RPP25L: variants seen among roughly 807,000 people sequenced by gnomAD.
RPP25L encodes the protein ribonuclease P/MRP subunit p25 like.
RPP25L carries 5 observed loss-of-function variants against 10.1 expected under a neutral mutation model. The ratio of observed to expected loss-of-function variants is 0.50; its 90% CI spans 0.26 to 1.04. The LOEUF (loss-of-function observed/expected upper bound fraction) is 1.04, where lower values mean the gene tolerates loss of function less well. Ranked by LOEUF, RPP25L falls within the 50% of genes least tolerant of loss-of-function variation. The pLI is 0.14. For synonymous variants in RPP25L, 96 were observed against 88.6 expected (o/e 1.08, Z -0.47); for missense variants, 192 against 217.3 (o/e 0.88, Z 0.73).
In RPP25L at chr9:34,611,057, G is replaced by A. The variant is rs1021035138; in HGVS notation, c.240C>T (p.Gly80=). ...AACGTAGCTTGGTGAGCTGGTGCAG[G>A]CCTGGGACCCGCCGCTTGACAATCT... ...CAEIVKRRVP[G]LHQLTKLRFL... Residue 80 remains glycine (G), a synonymous_variant, in exon 2 of 2, where the codon GGC becomes GGT. Coordinates refer to ENST00000378959, the MANE Select transcript of RPP25L (RefSeq NM_148178.3). The surrounding 1 kb of genome is among the most constrained non-coding windows in gnomAD (Gnocchi z 4.4). 6.2e-7 allele frequency: 1 copy of A among 1,613,970 alleles called. No homozygotes were observed. The highest frequency in any genetic ancestry group is 8.5e-7 in the Non-Finnish European group (1 of 1,179,976).
In RPP25L at chr9:34,611,086, C is replaced by T. The variant is rs1820294865; in HGVS notation, c.211G>A (p.Ala71Thr). 6.2e-7 allele frequency: 1 copy of T among 1,614,118 alleles called. No homozygotes were observed. Among genetic ancestry groups the T allele is most frequent in the Middle Eastern group, 1.6e-4 (1 of 6,062 alleles). ...GRAAGKAVSC[A>T]EIVKRRVPGL... ...GGGACCCGCCGCTTGACAATCTCAG[C>T]GCAGCTGACAGCCTTTCCTGCAGCC... The change falls in exon 2 of 2, where the codon GCT (alanine) becomes ACT (threonine). Residue 71 changes from alanine to threonine, a missense_variant. Coordinates refer to ENST00000378959, the MANE Select transcript of RPP25L (RefSeq NM_148178.3). This position sits in a 1 kb window ranked among gnomAD's most constrained non-coding sequence, Gnocchi z 4.4.
rs1412652819 is a variant in RPP25L, at chr9:34,611,089, A to C, written c.208T>G (p.Cys70Gly). The part of the protein sequence containing the change: ...SGRAAGKAVS[C>G]AEIVKRRVPG... ...ACCCGCCGCTTGACAATCTCAGCGC[A>C]GCTGACAGCCTTTCCTGCAGCCCTG... The change falls in exon 2 of 2, where the codon TGC (cysteine) becomes GGC (glycine). Residue 70 changes from cysteine to glycine, a missense_variant. Coordinates refer to ENST00000378959, the MANE Select transcript of RPP25L (RefSeq NM_148178.3). The surrounding 1 kb of genome is among the most constrained non-coding windows in gnomAD (Gnocchi z 4.4). The C allele has an allele frequency of 2.2e-5, 36 of 1,614,012 alleles. No individual in the cohort carries two copies. The highest frequency in any genetic ancestry group is 2.8e-5 in the Non-Finnish European group (33 of 1,180,020).
rs1820301109 is a variant in RPP25L, at chr9:34,611,451, A to G, written c.-36-119T>C. On this transcript the variant is annotated intron_variant, in intron 1 of 1. Coordinates refer to ENST00000378959, the MANE Select transcript of RPP25L (RefSeq NM_148178.3). The surrounding 1 kb of genome is among the most constrained non-coding windows in gnomAD (Gnocchi z 4.4). ...TTCCAGACTTCCCAGAAACAGGATC[A>G]TGTCCCCTTGTCCTTAGCATCTCGT... The G allele has an allele frequency of 6.4e-6, 5 of 784,870 alleles. No individual in the cohort carries two copies. Among genetic ancestry groups the G allele is most frequent in the Non-Finnish European group, 1.0e-5 (5 of 499,674 alleles). The allele number at this position is 784,870 out of a possible 1,614,324, so 48.6% of individuals were successfully genotyped here. A position where few individuals can be genotyped will look rare whatever the true frequency, so the allele number is the denominator to read the frequency against.
In RPP25L at chr9:34,611,223, G is replaced by A; in HGVS notation, c.74C>T (p.Thr25Ile). ...PSPMPQLPPD[T>I]LEMRVRDGSK... ...GCCATCTCGGACCCGCATCTCAAGGGTATCAGGAGGTAGCTGGGGCATTGG... is the reference window on the plus strand; with the variant it reads ...GCCATCTCGGACCCGCATCTCAAGGATATCAGGAGGTAGCTGGGGCATTGG... The change falls in exon 2 of 2, where the codon ACC becomes ATC. Residue 25 changes from threonine to isoleucine, a missense_variant. Transcript: ENST00000378959. This position sits in a 1 kb window ranked among gnomAD's most constrained non-coding sequence, Gnocchi z 4.4. The A allele has an allele frequency of 6.2e-7, 1 of 1,613,948 alleles. No individual in the cohort carries two copies. The highest frequency in any genetic ancestry group is 8.5e-7 in the Non-Finnish European group (1 of 1,180,004).
chr9:34,611,679 G>A lies in RPP25L; in HGVS notation c.-36-347C>T, dbSNP rs1311523574. On this transcript the variant is annotated intron_variant, in intron 1 of 1. Transcript: ENST00000378959. This position sits in a 1 kb window ranked among gnomAD's most constrained non-coding sequence, Gnocchi z 4.4. ...CTGGGGCTTAGCCCCCCTTATCCTG[G>A]GCTCCTTGGAACAGGGCCTGGAACC... is the stretch of plus-strand genomic sequence containing the variant. 6.6e-6 allele frequency among the ~76,000 whole-genome samples: 1 copy of A among 152,114 alleles called. No homozygotes were observed. Among genetic ancestry groups the A allele is most frequent in the Non-Finnish European group, 1.5e-5 (1 of 68,010 alleles).
chr9:34,610,856 G>A lies in RPP25L; in HGVS notation c.441C>T (p.Ser147=), dbSNP rs1820290165. ...GAPPGLGSMP[S]SSCGPRSRRR... ...TTCGGGAACGAGGGCCACAGCTGGAGCTGGGCATGGAACCCAGGCCAGGGG... is the reference window on the plus strand; with the variant it reads ...TTCGGGAACGAGGGCCACAGCTGGAACTGGGCATGGAACCCAGGCCAGGGG... Residue 147 remains serine, a synonymous_variant, in exon 2 of 2, where the codon AGC becomes AGT. Coordinates refer to ENST00000378959, the MANE Select transcript of RPP25L (RefSeq NM_148178.3). The A allele has an allele frequency of 1.3e-6, 2 of 1,562,020 alleles. No homozygotes were observed. Among genetic ancestry groups the A allele is most frequent in the Non-Finnish European group, 1.7e-6 (2 of 1,150,880 alleles).
chr9:34,611,067 C>G lies in RPP25L; in HGVS notation c.230G>C (p.Arg77Pro), dbSNP rs764671435. 2 of 1,613,908 alleles carry G rather than the reference C, an allele frequency of 1.2e-6. No individual in the cohort carries two copies. Among genetic ancestry groups the G allele is most frequent in the African/African-American group, 2.7e-5 (2 of 74,876 alleles). The change falls in exon 2 of 2, where the codon CGG (arginine) becomes CCG (proline). Residue 77 changes from arginine (R) to proline (P), a missense_variant. By Grantham distance (103) the Arg-to-Pro change is moderately radical. Transcript: ENST00000378959. This position sits in a 1 kb window ranked among gnomAD's most constrained non-coding sequence, Gnocchi z 4.4. ...GGTGAGCTGGTGCAGGCCTGGGACC[C>G]GCCGCTTGACAATCTCAGCGCAGCT... is the stretch of plus-strand genomic sequence containing the variant. The part of the protein sequence containing the change: ...AVSCAEIVKR[R>P]VPGLHQLTKL...
Position 34,611,207 on chromosome 9 carries a change from G to A in RPP25L, c.90C>T (p.Val30=). The A allele has an allele frequency of 6.2e-7, 1 of 1,614,040 alleles. No homozygotes were observed. The highest frequency in any genetic ancestry group is 1.1e-5 in the South Asian group (1 of 91,080). The change falls in exon 2 of 2, where the codon GTC becomes GTT. Residue 30 remains valine, a synonymous_variant. Transcript: ENST00000378959. This position sits in a 1 kb window ranked among gnomAD's most constrained non-coding sequence, Gnocchi z 4.4. ...QLPPDTLEMR[V]RDGSKIRNLL... ...GGTTGCGAATTTTGCTGCCATCTCG[G>A]ACCCGCATCTCAAGGGTATCAGGAG...
Position 34,610,718 on chromosome 9 carries a change from G to T in RPP25L, c.*87C>A. The T allele has an allele frequency of 7.1e-7, 1 of 1,410,130 alleles. No homozygotes were observed. Among genetic ancestry groups the T allele is most frequent in the Non-Finnish European group, 9.5e-7 (1 of 1,052,670 alleles). 87.4% of individuals were successfully genotyped at this position (1,410,130 alleles called of 1,614,324 possible). Reference sequence around the variant, plus strand: ...CTTTTGTGGACTCAAACCTTGATGGGGATGTTGAGCAGTCACAACGCTTCT... The same window carrying T: ...CTTTTGTGGACTCAAACCTTGATGGTGATGTTGAGCAGTCACAACGCTTCT... On this transcript the variant is annotated 3_prime_UTR_variant, in exon 2 of 2. Transcript: ENST00000378959.
In RPP25L at chr9:34,610,962, C is replaced by A; in HGVS notation, c.335G>T (p.Arg112Leu). ...DTGLDPLTVR[R>L]HVPAVWVLLS... Reference sequence around the variant, plus strand: ...CAGCACCCACACTGCAGGCACATGGCGGCGCACTGTGAGGGGGTCTAGCCC... The same window carrying A: ...CAGCACCCACACTGCAGGCACATGGAGGCGCACTGTGAGGGGGTCTAGCCC... Residue 112 changes from arginine (R) to leucine (L), a missense_variant, in exon 2 of 2, where the codon CGC (arginine) becomes CTC (leucine). By Grantham distance (102) the Arg-to-Leu change is moderately radical. Coordinates refer to ENST00000378959, the MANE Select transcript of RPP25L (RefSeq NM_148178.3). The A allele has an allele frequency of 6.2e-7, 1 of 1,613,820 alleles. No homozygotes were observed. Among genetic ancestry groups the A allele is most frequent in the Non-Finnish European group, 8.5e-7 (1 of 1,179,956 alleles).
Position 34,610,560 on chromosome 9 carries a change from G to A in RPP25L, c.*245C>T. On this transcript the variant is annotated 3_prime_UTR_variant, in exon 2 of 2. Coordinates refer to ENST00000378959, the MANE Select transcript of RPP25L (RefSeq NM_148178.3). Reference sequence around the variant, plus strand: ...ACCTCTTTCAGAAGGCAGTTCAAATGCACTGTAGGTAGAAGGCAGAGGAAG... The same window carrying A: ...ACCTCTTTCAGAAGGCAGTTCAAATACACTGTAGGTAGAAGGCAGAGGAAG... The A allele has an allele frequency of 2.2e-6, 1 of 459,380 alleles. No individual in the cohort carries two copies. Among genetic ancestry groups the A allele is most frequent in the South Asian group, 5.1e-5 (1 of 19,486 alleles). 28.5% of individuals were successfully genotyped at this position (459,380 alleles called of 1,614,324 possible).
In RPP25L at chr9:34,610,845, C is replaced by A; in HGVS notation, c.452G>T (p.Gly151Val). 1 of 1,549,238 alleles carries A rather than the reference C, an allele frequency of 6.5e-7. No individual in the cohort carries two copies. Among genetic ancestry groups the A allele is most frequent in the Non-Finnish European group, 8.7e-7 (1 of 1,145,530 alleles). Residue 151 changes from glycine to valine, a missense_variant, in exon 2 of 2, where the codon GGC becomes GTC. Coordinates refer to ENST00000378959, the MANE Select transcript of RPP25L (RefSeq NM_148178.3). ...GLGSMPSSSC[G>V]PRSRRRARDT... is the part of the protein sequence containing the mutation. Reference sequence around the variant, plus strand: ...TCGAGCCCTTCTTCGGGAACGAGGGCCACAGCTGGAGCTGGGCATGGAACC... The same window carrying A: ...TCGAGCCCTTCTTCGGGAACGAGGGACACAGCTGGAGCTGGGCATGGAACC...
In RPP25L at chr9:34,610,733, A is replaced by G. The variant is rs760823897; in HGVS notation, c.*72T>C. Reference sequence around the variant, plus strand: ...ACCTTGATGGGGATGTTGAGCAGTCACAACGCTTCTCAGAAAAGGCACAAG... The same window carrying G: ...ACCTTGATGGGGATGTTGAGCAGTCGCAACGCTTCTCAGAAAAGGCACAAG... On this transcript the variant is annotated 3_prime_UTR_variant, in exon 2 of 2. Coordinates refer to ENST00000378959, the MANE Select transcript of RPP25L (RefSeq NM_148178.3). 92 of 1,482,868 alleles carry G rather than the reference A, an allele frequency of 6.2e-5. No individual in the cohort carries two copies. Among genetic ancestry groups the G allele is most frequent in the Non-Finnish European group, 7.6e-5 (85 of 1,114,072 alleles). 91.9% of individuals were successfully genotyped at this position (1,482,868 alleles called of 1,614,324 possible). A position where few individuals can be genotyped will look rare whatever the true frequency, so the allele number is the denominator to read the frequency against.
At position 34,610,805 on chromosome 9, in the gene RPP25L, T is replaced by C. The variant is rs1396455856; in HGVS notation, c.492A>G (p.Ter164TrpextTer72). ...SRRRARDTRS[*>W] ...GAGAACAGGCTGGCTCAGCAGGTCT[T>C]CACGATCGGGTGTCTCGAGCCCTTC... Residue 164 changes from the stop codon to tryptophan (W), a stop_lost, in exon 2 of 2, where the codon TGA (stop) becomes TGG (tryptophan). Coordinates refer to ENST00000378959, the MANE Select transcript of RPP25L (RefSeq NM_148178.3). The C allele has an allele frequency of 3.9e-6, 6 of 1,522,810 alleles. No individual in the cohort carries two copies. The highest frequency in any genetic ancestry group is 5.3e-6 in the Non-Finnish European group (6 of 1,135,460). The allele number at this position is 1,522,810 out of a possible 1,614,324, so 94.3% of individuals were successfully genotyped here. A position where few individuals can be genotyped will look rare whatever the true frequency, so the allele number is the denominator to read the frequency against.
At position 34,611,132 on chromosome 9, in the gene RPP25L, T is replaced by G. The variant is rs367745452; in HGVS notation, c.165A>C (p.Val55=). Residue 55 remains valine, a synonymous_variant, in exon 2 of 2, where the codon GTA becomes GTC. Transcript: ENST00000378959. This position sits in a 1 kb window ranked among gnomAD's most constrained non-coding sequence, Gnocchi z 4.4. ...CAGCCCTGCCAGAACCTGAGAACAC[T>G]ACATGCCGAGCACTGCCGCCCTCCA... ...GRLEGGSARH[V]VFSGSGRAAG... is the part of the protein sequence containing the mutation. The G allele has an allele frequency of 1.1e-4, 171 of 1,613,984 alleles. No homozygotes were observed. The Middle Eastern group carries it at 1.8e-3, about 17-fold the overall frequency.
In RPP25L at chr9:34,611,032, A is replaced by T; in HGVS notation, c.265T>A (p.Phe89Ile). 6.2e-7 allele frequency: 1 copy of T among 1,613,962 alleles called. No homozygotes were observed. Among genetic ancestry groups the T allele is most frequent in the South Asian group, 1.1e-5 (1 of 91,070 alleles). The change falls in exon 2 of 2, where the codon TTC (phenylalanine) becomes ATC (isoleucine). Residue 89 changes from phenylalanine (F) to isoleucine (I), a missense_variant. Coordinates refer to ENST00000378959, the MANE Select transcript of RPP25L (RefSeq NM_148178.3). This position sits in a 1 kb window ranked among gnomAD's most constrained non-coding sequence, Gnocchi z 4.4. ...PGLHQLTKLRFLQTEDSWVPA... is the reference protein window; with the variant it reads ...PGLHQLTKLRILQTEDSWVPA... Reference sequence around the variant, plus strand: ...ACCCAGCTGTCCTCAGTCTGAAGGAAACGTAGCTTGGTGAGCTGGTGCAGG... The same window carrying T: ...ACCCAGCTGTCCTCAGTCTGAAGGATACGTAGCTTGGTGAGCTGGTGCAGG...
rs1305046586 is a variant in RPP25L, at chr9:34,611,870, CTA to C, written c.-37+192_-37+193del. On this transcript the variant is annotated intron_variant, in intron 1 of 1. Transcript: ENST00000378959. This position sits in a 1 kb window ranked among gnomAD's most constrained non-coding sequence, Gnocchi z 4.4. ...TCTCCCAGAGATTACCAAGGTCAATCTATATCAACCCAGGTCACTCAGAAACT... is the reference window on the plus strand; with the variant it reads ...TCTCCCAGAGATTACCAAGGTCAATCTATCAACCCAGGTCACTCAGAAACT... 1 of 156,040 alleles carries C rather than the reference CTA, an allele frequency of 6.4e-6. No homozygotes were observed. Among genetic ancestry groups the C allele is most frequent in the Non-Finnish European group, 1.4e-5 (1 of 70,304 alleles). The allele number at this position is 156,040 out of a possible 1,614,324, so 9.7% of individuals were successfully genotyped here. A position where few individuals can be genotyped will look rare whatever the true frequency, so the allele number is the denominator to read the frequency against.
Position 34,612,070 on chromosome 9 carries a change from C to T in RPP25L, c.-43G>A, listed in dbSNP as rs1328931397. 6.6e-6 allele frequency: 1 copy of T among 152,292 alleles called. No homozygotes were observed. Among genetic ancestry groups the T allele is most frequent in the Admixed American group, 6.5e-5 (1 of 15,286 alleles). The allele number at this position is 152,292 out of a possible 1,614,324, so 9.4% of individuals were successfully genotyped here. On this transcript the variant is annotated 5_prime_UTR_variant, in exon 1 of 2. Coordinates refer to ENST00000378959, the MANE Select transcript of RPP25L (RefSeq NM_148178.3). The stretch of plus-strand genomic sequence containing the variant: ...GCCCGGTTCCGGCTCTCACCGAAGC[C>T]GCCTCACGCACGATCCGGAGCCAAG...
chr9:34,610,734 C>CA lies in RPP25L; in HGVS notation c.*70dup. 1 of 1,485,776 alleles carries CA rather than the reference C, an allele frequency of 6.7e-7. No homozygotes were observed. Among genetic ancestry groups the CA allele is most frequent in the Non-Finnish European group, 9.0e-7 (1 of 1,116,468 alleles). The allele number at this position is 1,485,776 out of a possible 1,614,324, so 92.0% of individuals were successfully genotyped here. On this transcript the variant is annotated 3_prime_UTR_variant, in exon 2 of 2. Coordinates refer to ENST00000378959, the MANE Select transcript of RPP25L (RefSeq NM_148178.3). ...CCTTGATGGGGATGTTGAGCAGTCACAACGCTTCTCAGAAAAGGCACAAGC... is the reference window on the plus strand; with the variant it reads ...CCTTGATGGGGATGTTGAGCAGTCACAAACGCTTCTCAGAAAAGGCACAAGC...
Sources: gnomAD v4.1 joint callset for allele counts (sites outside exome capture counted in the v4.1 genomes callset) on GRCh38, gnomAD v4.1.1 for gene constraint, Gnocchi (gnomAD v3.1) non-coding constraint, MANE v1.5 for transcripts, NCBI Gene and HGNC (gene_info 2026-07-23, HGNC 2026-07-21) for gene names.